The following INPP5D variants were observed in gnomAD, a reference collection of about 807,000 sequenced individuals.
INPP5D encodes phosphatidylinositol 3,4,5-trisphosphate 5-phosphatase 1.
In INPP5D, 33 loss-of-function variants were observed where a neutral mutation model predicts 122.9. The observed-to-expected ratio is 0.27, with a 90% CI of 0.20 to 0.36. The LOEUF is 0.36. Ranked by LOEUF, INPP5D falls within the 10% of genes least tolerant of loss-of-function variation. The probability of loss-of-function intolerance (pLI) is 1.00; values close to 1 mark genes in which losing one functional copy is unlikely to be tolerated. For missense variants in INPP5D, 1,053 were observed against 1,412.7 expected (o/e 0.75, Z 4.08); for synonymous variants, 584 against 576.2 (o/e 1.01, Z -0.19).
chr2:233,159,489 A>G (rs1018333445), intron 10 of INPP5D, among the ~76,000 whole-genome samples: 3 of 151,046 alleles, frequency 2.0e-5, no homozygotes, highest in African/African-American at 4.8e-5. Context: ...CCCGAGACCA[A>G]GAGTTCGAGA....
intron 2 of INPP5D, among the ~76,000 whole-genome samples, chr2:233,108,548 C>CT (rs1692525932): frequency 6.6e-6 from 1 of 152,194 alleles, no homozygotes; most frequent in Non-Finnish European, 1.5e-5. Flanking sequence ...GAGATGAGGT[C>CT]TTGCGATGTT....
In INPP5D at chr2:233,188,571, C is replaced by A. The variant is rs994663463; in HGVS notation, c.2359-1279C>A. Among the ~76,000 whole-genome samples the A allele has an allele frequency of 6.6e-6, 1 of 151,922 alleles. No homozygotes were observed. The highest frequency in any genetic ancestry group is 2.4e-5 in the African/African-American group (1 of 41,374). ...CAGTTTCCAGTCATCTGTTCTGGAACTTTTTTTTGAGACTGAGTCTTGTTC... is the reference window on the plus strand; with the variant it reads ...CAGTTTCCAGTCATCTGTTCTGGAAATTTTTTTTGAGACTGAGTCTTGTTC... On this transcript the variant is annotated intron_variant, in intron 21 of 26. Coordinates refer to ENST00000445964, the MANE Select transcript of INPP5D (RefSeq NM_001017915.3). This position sits in a 1 kb window ranked among gnomAD's most constrained non-coding sequence, Gnocchi z 4.7.
rs148672971 is a variant in INPP5D at position 233,105,663 on chromosome 2, C to T, written c.199-16444C>T. Among the ~76,000 whole-genome samples, 64 of 152,260 alleles carry T rather than the reference C, an allele frequency of 4.2e-4. No individual in the cohort carries two copies. The highest frequency in any genetic ancestry group is 4.1e-3 in the South Asian group (20 of 4,830). ...AAGAGGGTAGTGACCGCAAGCGGGC[C>T]GCCTGCTGGCTGCTGCACCACCAGC... On this transcript the variant is annotated intron_variant, in intron 2 of 26. Coordinates refer to ENST00000445964, the MANE Select transcript of INPP5D (RefSeq NM_001017915.3). The surrounding 1 kb of genome is among the most constrained non-coding windows in gnomAD (Gnocchi z 4.0).
intron 5 of INPP5D, among the ~76,000 whole-genome samples, chr2:233,133,734 G>C (rs906956556): frequency 6.6e-6 from 1 of 152,166 alleles, no homozygotes; most frequent in Non-Finnish European, 1.5e-5. Context: ...TTTGTGCAGG[G>C]CTGGGCCATG....
chr2:233,110,528 TTG>T (rs373105648), intron 2 of INPP5D, among the ~76,000 whole-genome samples: 1 of 152,032 alleles, frequency 6.6e-6, no homozygotes, highest in African/African-American at 2.4e-5. Flanking sequence ...TCCCCCTGCT[TTG>T]TGTGTGTGTG....
intron 5 of INPP5D, among the ~76,000 whole-genome samples, chr2:233,131,753 G>A (rs1000066593): frequency 6.6e-6 from 1 of 152,090 alleles, no homozygotes; most frequent in African/African-American, 2.4e-5. Context: ...TGGAAAAATG[G>A]GATTTCATAC....
rs144371623 is a variant in INPP5D, at chr2:233,095,058, A to T, written c.198+15660A>T. Among the ~76,000 whole-genome samples the T allele has an allele frequency of 2.5e-3, 380 of 152,342 alleles. 3 individuals are homozygous for T. The highest frequency in any genetic ancestry group is 8.6e-3 in the African/African-American group (359 of 41,584). ...TAGGTTAGCATTCAACCTAACCATGATGAAGAGGGAACTGCTTAAATACAC... is the reference window on the plus strand; with the variant it reads ...TAGGTTAGCATTCAACCTAACCATGTTGAAGAGGGAACTGCTTAAATACAC... On this transcript the variant is annotated intron_variant, in intron 2 of 26. Transcript: ENST00000445964.
At chr2:233,111,663 A>G (rs1403674344) in intron 2 of INPP5D, among the ~76,000 whole-genome samples, 2 of 152,254 alleles carry the variant, frequency 1.3e-5, no homozygotes, top group Non-Finnish European at 2.9e-5. Context: ...CAGGGGGTAC[A>G]ATGGCGCTCT....
chr2:233,194,724 C>T (rs34888825), intron 23 of INPP5D, among the ~76,000 whole-genome samples: 55,945 of 151,822 alleles, frequency 0.37, 10,504 homozygotes, highest in South Asian at 0.44. Context: ...TCTGGAACTC[C>T]TGACCTCAAG....
chr2:233,084,107 T>G (rs6731994), intron 2 of INPP5D, among the ~76,000 whole-genome samples: 20,088 of 152,264 alleles, frequency 0.13, 1,640 homozygotes, highest in African/African-American at 0.23. Flanking sequence ...CAGGCTGGAG[T>G]GCAGTGGCGC....
At position 233,183,345 on chromosome 2, in the gene INPP5D, G is replaced by T. The variant is rs1033870980; in HGVS notation, c.2161+846G>T. ...GTCCTTCATGCCCTGGGGGACACACGTGAGGCCGAAGCACTGTCTTCCTGG... is the reference window on the plus strand; with the variant it reads ...GTCCTTCATGCCCTGGGGGACACACTTGAGGCCGAAGCACTGTCTTCCTGG... On this transcript the variant is annotated intron_variant, in intron 19 of 26. Coordinates refer to ENST00000445964, the MANE Select transcript of INPP5D (RefSeq NM_001017915.3). This position sits in a 1 kb window ranked among gnomAD's most constrained non-coding sequence, Gnocchi z 4.6. Among the ~76,000 whole-genome samples the T allele has an allele frequency of 1.3e-5, 2 of 152,174 alleles. No individual in the cohort carries two copies. Among genetic ancestry groups the T allele is most frequent in the African/African-American group, 4.8e-5 (2 of 41,430 alleles).
At chr2:233,158,131 C>T (rs144773591) in intron 9 of INPP5D, among the ~76,000 whole-genome samples, 182 bp from the exon 10 acceptor site, 5 of 152,166 alleles carry the variant, frequency 3.3e-5, no homozygotes, top group Non-Finnish European at 5.9e-5. Flanking sequence ...CATCACCCTC[C>T]CCAAGCATGA....
At chr2:233,088,183 G>C (rs1261142614) in intron 2 of INPP5D, among the ~76,000 whole-genome samples, 6 of 151,790 alleles carry the variant, frequency 4.0e-5, no homozygotes, top group Non-Finnish European at 8.8e-5. Flanking sequence ...CATCATGTTG[G>C]CCAGGCTGGT....
intron 18 of INPP5D, among the ~76,000 whole-genome samples, chr2:233,179,969 T>C (rs748328632): frequency 6.6e-6 from 1 of 152,154 alleles, no homozygotes; most frequent in Non-Finnish European, 1.5e-5. Context: ...TCTGCTCTAG[T>C]TGGTGTCATC....
rs763406773 is a variant in INPP5D at position 233,128,393 on chromosome 2, G to T, written c.525-2115G>T. Among the ~76,000 whole-genome samples, 2 of 152,188 alleles carry T rather than the reference G, an allele frequency of 1.3e-5. No individual in the cohort carries two copies. The highest frequency in any genetic ancestry group is 4.8e-5 in the African/African-American group (2 of 41,446). ...ACTCAGGCAGAAACTGGATTTTTAT[G>T]ATGTCAAGACCCAGAATAAATATAG... On this transcript the variant is annotated intron_variant, in intron 4 of 26. Transcript: ENST00000445964. The surrounding 1 kb of genome is among the most constrained non-coding windows in gnomAD (Gnocchi z 4.5).
At chr2:233,182,643 T>A in intron 19 of INPP5D, 144 bp downstream of exon 19, 1 of 1,320,174 alleles carries the variant, frequency 7.6e-7, no homozygotes, top group South Asian at 1.4e-5. Flanking sequence ...AGTTTCTTCA[T>A]GTCCCAGCCA....
At chr2:233,095,939 C>T (rs1411598546) in intron 2 of INPP5D, among the ~76,000 whole-genome samples, 1 of 152,144 alleles carries the variant, frequency 6.6e-6, no homozygotes, top group Non-Finnish European at 1.5e-5. Context: ...ATACACTGTT[C>T]TGCGATTTGC....
At chr2:233,099,842 C>T (rs901245801) in intron 2 of INPP5D, among the ~76,000 whole-genome samples, 1 of 152,126 alleles carries the variant, frequency 6.6e-6, no homozygotes, top group Admixed American at 6.5e-5. Flanking sequence ...TAAGACTGGG[C>T]AACTTACAAA....
At chr2:233,101,261 C>T (rs1574725909) in intron 2 of INPP5D, among the ~76,000 whole-genome samples, 1 of 152,248 alleles carries the variant, frequency 6.6e-6, no homozygotes, top group South Asian at 2.1e-4. Context: ...ACCAGAGTGG[C>T]TGCATTCACA....
Sources: gnomAD v4.1 joint callset for allele counts (sites outside exome capture counted in the v4.1 genomes callset) on GRCh38, gnomAD v4.1.1 for gene constraint, Gnocchi (gnomAD v3.1) non-coding constraint, MANE v1.5 for transcripts, NCBI Gene and HGNC (gene_info 2026-07-23, HGNC 2026-07-21) for gene names.